Variants in JAZF1 observed in about 807,000 individuals in gnomAD.
JAZF1 encodes JAZF zinc finger 1.
JAZF1 carries 8 observed loss-of-function variants against 26.4 expected under a neutral mutation model. The observed-to-expected ratio is 0.30, with a 90% CI of 0.18 to 0.55. JAZF1 has a LOEUF of 0.55. Among genes scored for constraint, JAZF1 ranks in the 20% least tolerant of loss-of-function variants. The pLI is 0.94. For synonymous variants in JAZF1, 126 were observed against 122.3 expected, an observed-to-expected ratio of 1.03 and a Z score of -0.20; for missense variants, 199 against 322.0, an observed-to-expected ratio of 0.62 and a Z score of 2.92.
At chr7:27,935,962 C>T (rs1784758235) in intron 2 of JAZF1, among the ~76,000 whole-genome samples, 2 of 152,108 alleles carry the variant, frequency 1.3e-5, no homozygotes, top group African/African-American at 4.8e-5. Context: ...ACTTGGAGTG[C>T]CCCAGTGAAG....
chr7:27,907,781 C>A (rs1465177368), intron 2 of JAZF1, among the ~76,000 whole-genome samples: 4 of 152,182 alleles, frequency 2.6e-5, no homozygotes. Context: ...CCAGAGATGG[C>A]ACACACAGTG....
intron 3 of JAZF1, among the ~76,000 whole-genome samples, chr7:27,877,746 C>T (rs149728481): frequency 1.4e-4 from 21 of 152,314 alleles, no homozygotes; most frequent in Admixed American, 9.8e-4. Flanking sequence ...CCTTGCCATA[C>T]GTGCTCTCAG....
chr7:28,038,653 C>T (rs1272442213), intron 1 of JAZF1, among the ~76,000 whole-genome samples: 2 of 152,106 alleles, frequency 1.3e-5, no homozygotes, highest in Non-Finnish European at 2.9e-5. Context: ...AAAAAAGAAG[C>T]ATGCACACAC....
chr7:27,902,861 A>T (rs1784188051), intron 2 of JAZF1, among the ~76,000 whole-genome samples: 1 of 152,036 alleles, frequency 6.6e-6, no homozygotes, highest in Non-Finnish European at 1.5e-5. Context: ...CTAAAAATAC[A>T]AAAAATTAGC....
chr7:27,861,952 TC>T (rs1336621429), intron 3 of JAZF1, among the ~76,000 whole-genome samples: 3 of 152,178 alleles, frequency 2.0e-5, no homozygotes, highest in Non-Finnish European at 2.9e-5. Context: ...GCCTCCCTGT[TC>T]TAAGAACTGT....
At chr7:28,105,228 T>C (rs1442912205) in intron 1 of JAZF1, among the ~76,000 whole-genome samples, 3 of 152,108 alleles carry the variant, frequency 2.0e-5, no homozygotes, top group African/African-American at 7.2e-5. Context: ...CTGAAGACAA[T>C]TTTGCTGACC....
At chr7:28,005,739 A>AG (rs149427285) in intron 1 of JAZF1, among the ~76,000 whole-genome samples, 7,035 of 152,214 alleles carry the variant, frequency 0.046, 262 homozygotes, top group African/African-American at 0.096. Flanking sequence ...GCTGTAACTC[A>AG]ATTGATCTCG....
intron 2 of JAZF1, among the ~76,000 whole-genome samples, chr7:27,937,604 A>G (rs1470781514): frequency 6.6e-6 from 1 of 152,252 alleles, no homozygotes. Context: ...AAAAACCTGT[A>G]GAATAGGTTT....
Position 27,932,698 on chromosome 7 carries a change from T to G in JAZF1, c.189-37282A>C, listed in dbSNP as rs369712178. On this transcript the variant is annotated intron_variant, in intron 2 of 4. Transcript: ENST00000283928. ...GAGACTGAAGACAAAAAACAAAGTC[T>G]TTCAAGATGTGAAAATGAACTTGGT... Among the ~76,000 whole-genome samples the G allele has an allele frequency of 1.8e-4, 27 of 152,302 alleles. No individual in the cohort carries two copies. In the South Asian group the frequency reaches 4.8e-3, roughly 27 times the overall value.
intron 2 of JAZF1, among the ~76,000 whole-genome samples, chr7:27,969,353 A>G (rs1785334409): frequency 6.6e-6 from 1 of 151,972 alleles, no homozygotes; most frequent in Admixed American, 6.6e-5. Context: ...GGCCCTACCA[A>G]CTGTAAATTA....
At chr7:28,123,530 G>T (rs561119183) in intron 1 of JAZF1, among the ~76,000 whole-genome samples, 19 of 152,178 alleles carry the variant, frequency 1.2e-4, no homozygotes, top group Admixed American at 2.6e-4. Context: ...GTAGGCACTC[G>T]GGAAAGATTA....
At chr7:27,903,491 G>A (rs924522693) in intron 2 of JAZF1, among the ~76,000 whole-genome samples, 3 of 152,148 alleles carry the variant, frequency 2.0e-5, no homozygotes, top group Non-Finnish European at 2.9e-5. Context: ...CACTGTGCCC[G>A]GCCCAGGCAT....
chr7:27,951,250 C>T (rs2128354762), intron 2 of JAZF1, among the ~76,000 whole-genome samples: 1 of 152,278 alleles, frequency 6.6e-6, no homozygotes, highest in Non-Finnish European at 1.5e-5. Flanking sequence ...TGTAGGAATG[C>T]TACTCTGGCT....
chr7:28,058,774 G>A (rs944423936), intron 1 of JAZF1, among the ~76,000 whole-genome samples: 17 of 152,010 alleles, frequency 1.1e-4, no homozygotes, highest in Non-Finnish European at 1.9e-4. Context: ...AAACATATGC[G>A]TTTTCTTCTA....
At chr7:28,006,070 CA>C (rs1289992303) in intron 1 of JAZF1, among the ~76,000 whole-genome samples, 1 of 152,114 alleles carries the variant, frequency 6.6e-6, no homozygotes, top group South Asian at 2.1e-4. Flanking sequence ...GCACAGAGCA[CA>C]GTGGCTGGTA....
chr7:28,109,540 A>G (rs1465421867), intron 1 of JAZF1, among the ~76,000 whole-genome samples: 2 of 152,236 alleles, frequency 1.3e-5, no homozygotes, highest in Non-Finnish European at 2.9e-5. Flanking sequence ...TGTAATAACA[A>G]TAGCACTGAA....
intron 1 of JAZF1, among the ~76,000 whole-genome samples, chr7:28,119,873 C>T (rs1784809513): frequency 6.6e-6 from 1 of 152,216 alleles, no homozygotes; most frequent in Non-Finnish European, 1.5e-5. Context: ...CCACTAGTCC[C>T]CTACATAACT....
intron 3 of JAZF1, among the ~76,000 whole-genome samples, chr7:27,850,035 C>A (rs1015352184): frequency 1.3e-5 from 2 of 152,158 alleles, no homozygotes; most frequent in Non-Finnish European, 2.9e-5. Flanking sequence ...TAAAAGTCAA[C>A]CTTTTCCAGA....
chr7:28,026,958 C>G (rs906073044), intron 1 of JAZF1, among the ~76,000 whole-genome samples: 2 of 152,224 alleles, frequency 1.3e-5, no homozygotes, highest in Non-Finnish European at 2.9e-5. Context: ...ACCTTCCCTC[C>G]TATTCGCCAG....
Sources: gnomAD v4.1 joint callset for allele counts (sites outside exome capture counted in the v4.1 genomes callset) on GRCh38, gnomAD v4.1.1 for gene constraint, MANE v1.5 for transcripts, NCBI Gene and HGNC (gene_info 2026-07-23, HGNC 2026-07-21) for gene names.